Variants in DMXL2 observed in about 807,000 individuals in gnomAD.
DMXL2 encodes dmX-like protein 2.
A neutral mutation model predicts 331.1 loss-of-function variants in DMXL2; 103 were observed. That is an observed-to-expected ratio of 0.31 (90% confidence interval 0.27 to 0.37). DMXL2 has a LOEUF of 0.37. DMXL2 is among the 10% of genes least tolerant of loss of function. The probability of loss-of-function intolerance (pLI) is 1.00; values close to 1 mark genes in which losing one functional copy is unlikely to be tolerated. For missense variants in DMXL2, 3,171 were observed against 3,642.9 expected (o/e 0.87, Z 3.33); for synonymous variants, 1,281 against 1,252.1 (o/e 1.02, Z -0.49).
At chr15:51,593,302 T>C (rs1314723567) in intron 1 of DMXL2, among the ~76,000 whole-genome samples, 1 of 151,804 alleles carries the variant, frequency 6.6e-6, no homozygotes, top group East Asian at 1.9e-4. Context: ...CCAACAAAGA[T>C]CAAAAGAGAC....
intron 10 of DMXL2, 76 bp from the exon 11 acceptor site, chr15:51,537,835 A>C: frequency 7.1e-7 from 1 of 1,412,776 alleles, no homozygotes; most frequent in Non-Finnish European, 9.4e-7. Flanking sequence ...TAAATGGCAT[A>C]CTATCTTTAA....
intron 6 of DMXL2, among the ~76,000 whole-genome samples, chr15:51,553,697 A>C (rs2049364624): frequency 6.6e-6 from 1 of 152,034 alleles, no homozygotes; most frequent in Non-Finnish European, 1.5e-5. Flanking sequence ...TGAACGGTTA[A>C]TTTATTTTCT....
chr15:51,544,888 C>A (rs1172755861), intron 8 of DMXL2, among the ~76,000 whole-genome samples: 2 of 151,974 alleles, frequency 1.3e-5, no homozygotes, highest in South Asian at 2.1e-4. Context: ...TAATAAAAAA[C>A]AGCCACAAGA....
intron 1 of DMXL2, among the ~76,000 whole-genome samples, chr15:51,587,586 G>T (rs1249955270): frequency 6.6e-6 from 1 of 152,148 alleles, no homozygotes; most frequent in Non-Finnish European, 1.5e-5. Flanking sequence ...TATTTGGGTT[G>T]GTTCCAAGTC....
chr15:51,464,784 C>A lies in DMXL2; in HGVS notation c.7699G>T (p.Gly2567Cys), dbSNP rs776139593. The A allele has an allele frequency of 8.7e-6, 14 of 1,613,992 alleles. No individual in the cohort carries two copies. The East Asian group carries it at 2.7e-4, about 31-fold the overall frequency. Residue 2567 changes from glycine to cysteine, a missense_variant, in exon 32 of 44, where the codon GGT becomes TGT. Gly to Cys is a radical substitution (Grantham distance 159). Around this residue, in one of 7 missense-constraint regions of DMXL2, gnomAD observed 766 missense variants for 940.5 expected, o/e 0.81. Coordinates refer to ENST00000560891, the MANE Select transcript of DMXL2 (RefSeq NM_001378457.1). ...ILQEKMDQFEGPPPNYINTYP... is the reference protein window; with the variant it reads ...ILQEKMDQFECPPPNYINTYP... The stretch of plus-strand genomic sequence containing the variant: ...GTGTTGATATAGTTAGGGGGTGGAC[C>A]TTCAAACTGATCCATTTTCTCTTGC...
intron 1 of DMXL2, among the ~76,000 whole-genome samples, chr15:51,620,361 C>T (rs934770678): frequency 1.4e-4 from 22 of 152,052 alleles, no homozygotes; most frequent in Admixed American, 3.3e-4. Flanking sequence ...TCCTAAACCA[C>T]GTAAATTTTG....
intron 28 of DMXL2, 57 bp from the exon 29 acceptor site, chr15:51,471,458 TAG>T: frequency 6.7e-7 from 1 of 1,491,112 alleles, no homozygotes; most frequent in Non-Finnish European, 9.2e-7. Context: ...TGTTAATTGA[TAG>T]AGTTAAGCTT....
At chr15:51,464,567 G>C (rs758982260) in intron 32 of DMXL2, 108 bp downstream of exon 32, 2 of 854,146 alleles carry the variant, frequency 2.3e-6, no homozygotes, top group Non-Finnish European at 3.6e-6. Context: ...AAATAGGACT[G>C]CAGGTTCAAA....
At chr15:51,620,386 A>G (rs1308444432) in intron 1 of DMXL2, among the ~76,000 whole-genome samples, 1 of 152,216 alleles carries the variant, frequency 6.6e-6, no homozygotes, top group Non-Finnish European at 1.5e-5. Context: ...GAATTTGGAA[A>G]CCCAAAAGGA....
intron 14 of DMXL2, among the ~76,000 whole-genome samples, chr15:51,514,788 C>T (rs2046941099): frequency 6.8e-6 from 1 of 147,974 alleles, no homozygotes; most frequent in South Asian, 2.1e-4. Context: ...AATAGAAGAG[C>T]TCTAGTACAA....
Position 51,560,437 on chromosome 15 carries a change from A to G in DMXL2, c.567+2944T>C, listed in dbSNP as rs765086154. On this transcript the variant is annotated intron_variant, in intron 6 of 43. Transcript: ENST00000560891. ...TCATGTTTGAAGAAAAATTTTTTTA[A>G]TTTAGGGCATCATAAATAAAGGGAA... Among the ~76,000 whole-genome samples, 4 of 149,412 alleles carry G rather than the reference A, an allele frequency of 2.7e-5. No individual in the cohort carries two copies. In the East Asian group the frequency reaches 7.9e-4, roughly 29 times the overall value.
chr15:51,517,280 G>T (rs866179900), intron 13 of DMXL2, 113 bp from the exon 14 acceptor site: 1 of 707,554 alleles, frequency 1.4e-6, no homozygotes, highest in Non-Finnish European at 2.5e-6. Context: ...GATTGGCAAT[G>T]GAATGTAATA....
rs956659725 is a variant in DMXL2 at position 51,536,341 on chromosome 15, A to C, written c.2139T>G (p.Arg713=). The part of the protein sequence containing the change: ...SKQPLRNAAT[R]TFHDPNAIYS... ...AGATTGCATTTGGGTCATGAAATGT[A>C]CGAGTTGCTGCATTTCTAAGAGGTT... Residue 713 remains arginine, a synonymous_variant, in exon 12 of 44, where the codon CGT becomes CGG. Coordinates refer to ENST00000560891, the MANE Select transcript of DMXL2 (RefSeq NM_001378457.1). The C allele has an allele frequency of 1.9e-6, 3 of 1,614,000 alleles. No homozygotes were observed. The highest frequency in any genetic ancestry group is 2.5e-6 in the Non-Finnish European group (3 of 1,179,938).
At chr15:51,601,290 C>CAAAAAAAAAAAAAAAA (rs200188441) in intron 1 of DMXL2, among the ~76,000 whole-genome samples, 2 of 96,600 alleles carry the variant, frequency 2.1e-5, no homozygotes, top group Admixed American at 1.2e-4. Context: ...GACTCCATCT[C>CAAAAAAAAAAAAAAAA]AAAAAAAAAA....
At position 51,500,125 on chromosome 15, in the gene DMXL2, GGCT is replaced by G; in HGVS notation, c.3096_3098del (p.Glu1032_Ala1033delinsAsp). On this transcript the variant is annotated inframe_deletion, in exon 18 of 44. Coordinates refer to ENST00000560891, the MANE Select transcript of DMXL2 (RefSeq NM_001378457.1). ...CATCACTTTTATTACACTCTGGGTT[GGCT>G]TCCATACAACATTTCCAGAAGCGTA... 1.2e-6 allele frequency: 2 copies of G among 1,614,088 alleles called. No individual in the cohort carries two copies. The highest frequency in any genetic ancestry group is 8.5e-7 in the Non-Finnish European group (1 of 1,180,008).
Position 51,453,557 on chromosome 15 carries a change from C to T in DMXL2, c.8689G>A (p.Asp2897Asn), listed in dbSNP as rs1218363135. 6.2e-7 allele frequency: 1 copy of T among 1,609,510 alleles called. No individual in the cohort carries two copies. Among genetic ancestry groups the T allele is most frequent in the East Asian group, 2.2e-5 (1 of 44,620 alleles). ...GCTTTTCTGTCAACCTACCTATTGT[C>T]ATTGGAGTGTCCAGATGTGGCAACT... ...SLVATSGHSN[D>N]NRNVCLWDTL... is the part of the protein sequence containing the mutation. The change falls in exon 41 of 44, where the codon GAC becomes AAC. Residue 2897 changes from aspartate to asparagine, a missense_variant. By Grantham distance (23) the Asp-to-Asn change is conservative. Coordinates refer to ENST00000560891, the MANE Select transcript of DMXL2 (RefSeq NM_001378457.1).
At chr15:51,552,005 G>A (rs764658580) in intron 6 of DMXL2, among the ~76,000 whole-genome samples, 2 of 152,128 alleles carry the variant, frequency 1.3e-5, no homozygotes, top group African/African-American at 2.4e-5. Context: ...CATAAAAGAC[G>A]ACCAGGTAAA....
intron 1 of DMXL2, among the ~76,000 whole-genome samples, chr15:51,596,422 C>T (rs2052809849): frequency 6.6e-6 from 1 of 152,160 alleles, no homozygotes; most frequent in African/African-American, 2.4e-5. Flanking sequence ...CAGGAAACAA[C>T]AGGTGCTGGA....
At chr15:51,453,720 A>T in intron 40 of DMXL2, 79 bp from the exon 41 acceptor site, 2 of 1,120,234 alleles carry the variant, frequency 1.8e-6, no homozygotes, top group Non-Finnish European at 2.7e-6. Flanking sequence ...ATGTCTGCTA[A>T]TAACATACTA....
Sources: allele counts gnomAD v4.1 joint callset (sites outside exome capture counted in the v4.1 genomes callset), GRCh38; gene constraint gnomAD v4.1.1; regional missense constraint gnomAD v4.1.1; transcripts MANE v1.5; gene names NCBI Gene and HGNC (gene_info 2026-07-23, HGNC 2026-07-21).